The following TNIK variants were observed in gnomAD, a reference collection of about 807,000 sequenced individuals.
TNIK encodes the protein TRAF2 and NCK-interacting protein kinase.
TNIK carries 49 observed loss-of-function variants against 191.3 expected under a neutral mutation model. The observed-to-expected ratio is 0.26, with a 90% CI of 0.20 to 0.32. The LOEUF is 0.32. Among genes scored for constraint, TNIK ranks in the 10% least tolerant of loss-of-function variants. The pLI, the probability that TNIK is intolerant of heterozygous loss-of-function variation, is 1.00. For synonymous variants in TNIK, 594 were observed against 600.9 expected (o/e 0.99, Z 0.17); for missense variants, 1,155 against 1,702.3 (o/e 0.68, Z 5.66).
chr3:171,369,634 C>A lies in TNIK; in HGVS notation c.109G>T (p.Gly37Trp). ...LVELVGNGTY[G>W]QVYKGRHVKT... is the part of the protein sequence containing the mutation. ...AATGTACTTACCTTATAAACTTGCC[C>A]GTATGTTCCATTTCCAACAAGTTCC... is the stretch of plus-strand genomic sequence containing the variant. Residue 37 changes from glycine (G) to tryptophan (W), a missense_variant, in exon 2 of 33, where the codon GGG becomes TGG. Physicochemically the swap from Gly to Trp is radical, Grantham distance 184 (BLOSUM62 -2). Coordinates refer to ENST00000436636, the MANE Select transcript of TNIK (RefSeq NM_015028.4). 1 of 1,577,356 alleles carries A rather than the reference C, an allele frequency of 6.3e-7. No homozygotes were observed. The highest frequency in any genetic ancestry group is 1.2e-5 in the South Asian group (1 of 85,668).
rs1427923152 is a variant in TNIK, at chr3:171,060,096, G to C, written c.*3785C>G. ...ACAAATGCAAGTGATGCCTGTTCAA[G>C]CAGACTTTCAAAGACAGCACACACT... On this transcript the variant is annotated 3_prime_UTR_variant, in exon 33 of 33. Transcript: ENST00000436636. Among the ~76,000 whole-genome samples, 1 of 152,164 alleles carries C rather than the reference G, an allele frequency of 6.6e-6. No individual in the cohort carries two copies. Among genetic ancestry groups the C allele is most frequent in the African/African-American group, 2.4e-5 (1 of 41,442 alleles).
rs181528556 is a variant in TNIK, at chr3:171,101,597, G to T, written c.2443C>A (p.Arg815=). ...TALAKELREL[R]IEETNRPMKK... ...ATTGGGCGGTTTGTTTCTTCAATCC[G>T]GAGTTCTCTTAGTTCTTTGGCTAAT... Residue 815 remains arginine, a synonymous_variant, in exon 22 of 33, where the codon CGG becomes AGG. Transcript: ENST00000436636. The T allele has an allele frequency of 1.1e-5, 17 of 1,613,032 alleles. No individual in the cohort carries two copies. The highest frequency in any genetic ancestry group is 5.3e-5 in the African/African-American group (4 of 74,812).
chr3:171,368,016 C>T (rs1715982600), intron 2 of TNIK, among the ~76,000 whole-genome samples: 1 of 152,018 alleles, frequency 6.6e-6, no homozygotes, highest in South Asian at 2.1e-4. Flanking sequence ...AATATCTTCC[C>T]TCTCTAAAAA....
At chr3:171,249,412 A>G (rs963693007) in intron 2 of TNIK, among the ~76,000 whole-genome samples, 1 of 152,198 alleles carries the variant, frequency 6.6e-6, no homozygotes, top group African/African-American at 2.4e-5. Flanking sequence ...AGAATCACTC[A>G]GGCTCTCCAT....
intron 9 of TNIK, among the ~76,000 whole-genome samples, chr3:171,167,977 T>C (rs1226005403): frequency 2.0e-5 from 3 of 152,192 alleles, no homozygotes; most frequent in Admixed American, 1.3e-4. Flanking sequence ...CATTTAACTT[T>C]AAAGAATTAA....
chr3:171,329,435 T>C (rs1292082396), intron 2 of TNIK, among the ~76,000 whole-genome samples: 2 of 152,202 alleles, frequency 1.3e-5, no homozygotes, highest in South Asian at 4.1e-4. Context: ...GTGTCCAAAC[T>C]GCAGATCTTT....
chr3:171,411,800 A>G (rs769493536), intron 1 of TNIK, among the ~76,000 whole-genome samples: 8 of 152,334 alleles, frequency 5.3e-5, no homozygotes, highest in Admixed American at 4.6e-4. Flanking sequence ...GGAAAGCCCC[A>G]CTTAGAAATT....
chr3:171,353,520 G>A (rs1171754627), intron 2 of TNIK, among the ~76,000 whole-genome samples: 1 of 152,044 alleles, frequency 6.6e-6, no homozygotes, highest in African/African-American at 2.4e-5. Flanking sequence ...CTTTTACTGT[G>A]CACAGAACAA....
At position 171,369,688 on chromosome 3, in the gene TNIK, G is replaced by A. The variant is rs773101388; in HGVS notation, c.58-3C>T. ...AATTCAAAGATCCCTGCGGGGTCCT[G>A]AAAGAAAATAAACAAACAATAAAAA... is the stretch of plus-strand genomic sequence containing the variant. On this transcript the variant is annotated splice_polypyrimidine_tract_variant and splice_region_variant and intron_variant, in intron 1 of 32. Transcript: ENST00000436636. The A allele has an allele frequency of 6.4e-7, 1 of 1,557,238 alleles. No individual in the cohort carries two copies. Among genetic ancestry groups the A allele is most frequent in the South Asian group, 1.2e-5 (1 of 84,190 alleles).
At position 171,123,681 on chromosome 3, in the gene TNIK, T is replaced by G; in HGVS notation, c.2035A>C (p.Ile679Leu). The part of the protein sequence containing the change: ...PPKVPQRTTS[I>L]SPALARKNSP... ...TTCTTTCTGGCTAATGCTGGGGATA[T>G]AGAAGTTGTTCTTTGAGGCACCTGG... The change falls in exon 18 of 33, where the codon ATA (isoleucine) becomes CTA (leucine). Residue 679 changes from isoleucine to leucine, a missense_variant. Physicochemically the swap from Ile to Leu is conservative, Grantham distance 5 (BLOSUM62 2). Coordinates refer to ENST00000436636, the MANE Select transcript of TNIK (RefSeq NM_015028.4). The G allele has an allele frequency of 6.4e-7, 1 of 1,572,618 alleles. No individual in the cohort carries two copies. The highest frequency in any genetic ancestry group is 8.6e-7 in the Non-Finnish European group (1 of 1,156,792).
intron 7 of TNIK, among the ~76,000 whole-genome samples, chr3:171,179,694 C>T (rs1185413996): frequency 6.6e-6 from 1 of 152,188 alleles, no homozygotes; most frequent in Non-Finnish European, 1.5e-5. Context: ...TCGTGATCCA[C>T]CTGCCTCAGC....
intron 1 of TNIK, among the ~76,000 whole-genome samples, chr3:171,374,538 A>G (rs955594778): frequency 6.7e-4 from 102 of 152,232 alleles, no homozygotes; most frequent in African/African-American, 2.4e-3. Flanking sequence ...AGGAGAAAAG[A>G]GCAAATCATT....
intron 1 of TNIK, among the ~76,000 whole-genome samples, chr3:171,415,934 C>G (rs1722986456): frequency 8.0e-6 from 1 of 124,594 alleles, no homozygotes; most frequent in Non-Finnish European, 1.6e-5. Flanking sequence ...TGAGATCACA[C>G]CACTGCACTC....
intron 7 of TNIK, among the ~76,000 whole-genome samples, chr3:171,182,574 C>T (rs1012362068): frequency 3.9e-5 from 6 of 152,086 alleles, no homozygotes; most frequent in Non-Finnish European, 7.4e-5. Flanking sequence ...AATACCCTAG[C>T]GCTATGTGCA....
intron 2 of TNIK, among the ~76,000 whole-genome samples, chr3:171,350,595 TA>T (rs71178208): frequency 0.27 from 26,743 of 97,402 alleles, 3,108 homozygotes; most frequent in Admixed American, 0.33. Context: ...GCTCTGTTGC[TA>T]AAAAAAAAAA....
intron 1 of TNIK, among the ~76,000 whole-genome samples, chr3:171,434,726 C>T (rs1358511704): frequency 6.6e-6 from 1 of 152,206 alleles, no homozygotes; most frequent in African/African-American, 2.4e-5. Flanking sequence ...TCCCAAAACA[C>T]TGGAATTACA....
intron 9 of TNIK, among the ~76,000 whole-genome samples, chr3:171,174,775 A>G (rs748322497): frequency 2.0e-5 from 3 of 152,244 alleles, no homozygotes; most frequent in Non-Finnish European, 4.4e-5. Flanking sequence ...AAACAGTAGT[A>G]AAAACAAAAA....
chr3:171,306,636 C>A (rs1753486252), intron 2 of TNIK, among the ~76,000 whole-genome samples: 1 of 152,118 alleles, frequency 6.6e-6, no homozygotes, highest in African/African-American at 2.4e-5. Context: ...GTTTGGATTC[C>A]TTTTGAACAA....
At chr3:171,065,520 T>G (rs1718320694) in intron 32 of TNIK, among the ~76,000 whole-genome samples, 1 of 152,218 alleles carries the variant, frequency 6.6e-6, no homozygotes, top group Admixed American at 6.5e-5. Flanking sequence ...CAGTATGGCT[T>G]AGCTACTAAA....
Sources: gnomAD v4.1 joint callset for allele counts (sites outside exome capture counted in the v4.1 genomes callset) on GRCh38, gnomAD v4.1.1 for gene constraint, MANE v1.5 for transcripts, NCBI Gene and HGNC (gene_info 2026-07-23, HGNC 2026-07-21) for gene names.